DERL3: variants seen among roughly 807,000 people sequenced by gnomAD.
DERL3 encodes derlin 3, also known as derlin-3.
Under a neutral mutation model 23.8 loss-of-function variants are expected in DERL3, and 20 were observed. The observed-to-expected ratio is 0.84, with a 90% CI of 0.59 to 1.22. The LOEUF (loss-of-function observed/expected upper bound fraction) is 1.22, where lower values mean the gene tolerates loss of function less well. Ranked by LOEUF, DERL3 falls within the 50% of genes most tolerant of loss-of-function variation. The pLI is 0.00. For synonymous variants in DERL3, 145 were observed against 132.5 expected (o/e 1.09, Z -0.65); for missense variants, 319 against 304.1 (o/e 1.05, Z -0.36).
In DERL3 at chr22:23,836,722, G is replaced by A. The variant is rs1327370823; in HGVS notation, c.*147C>T. On this transcript the variant is annotated 3_prime_UTR_variant, in exon 7 of 7. Transcript: ENST00000318109. The stretch of plus-strand genomic sequence containing the variant: ...GGTGAGATGGGGAAGCCAGTGCTGT[G>A]GGCCAAGAGACTGCAGCTCATTCTG... The A allele has an allele frequency of 1.5e-5, 20 of 1,350,844 alleles. No individual in the cohort carries two copies. The highest frequency in any genetic ancestry group is 3.7e-5 in the Admixed American group (1 of 27,282). The allele number at this position is 1,350,844 out of a possible 1,614,324, so 83.7% of individuals were successfully genotyped here. A position where few individuals can be genotyped will look rare whatever the true frequency, so the allele number is the denominator to read the frequency against.
Position 23,836,891 on chromosome 22 carries a change from T to TG in DERL3, c.685dup (p.His229ProfsTer16). The TG allele has an allele frequency of 7.4e-6, 11 of 1,481,432 alleles. No homozygotes were observed. The highest frequency in any genetic ancestry group is 9.9e-6 in the Non-Finnish European group (11 of 1,115,038). 91.8% of individuals were successfully genotyped at this position (1,481,432 alleles called of 1,614,324 possible). A position where few individuals can be genotyped will look rare whatever the true frequency, so the allele number is the denominator to read the frequency against. On this transcript the variant is annotated frameshift_variant, in exon 7 of 7. Transcript: ENST00000318109. LOFTEE classifies it high-confidence loss of function. Reference sequence around the variant, plus strand: ...GGGTCACTGCTGCGGGGGTGGCAGATGGGGTCCTGGCTGTTCCTCAGGGAG... The same window carrying TG: ...GGGTCACTGCTGCGGGGGTGGCAGATGGGGGTCCTGGCTGTTCCTCAGGGAG...
rs368887821 is a variant in DERL3, at chr22:23,834,866, G to A, written c.*2003C>T. On this transcript the variant is annotated 3_prime_UTR_variant, in exon 7 of 7. Transcript: ENST00000318109. ...CGAGCTCTCCTGCCGTCCCTGGGCC[G>A]CCCTGGCTCTGCTGTGTCCAGATGG... 90 of 1,612,338 alleles carry A rather than the reference G, an allele frequency of 5.6e-5. No homozygotes were observed. Among genetic ancestry groups the A allele is most frequent in the African/African-American group, 9.3e-5 (7 of 74,956 alleles).
Position 23,834,520 on chromosome 22 carries a change from G to A in DERL3, c.*2349C>T, listed in dbSNP as rs2030881652. Reference sequence around the variant, plus strand: ...AGGTCATGTTCAATTTCTTCAACAGGTCATGTTCAATTTCTTCAAAGTTTT... The same window carrying A: ...AGGTCATGTTCAATTTCTTCAACAGATCATGTTCAATTTCTTCAAAGTTTT... On this transcript the variant is annotated 3_prime_UTR_variant, in exon 7 of 7. Transcript: ENST00000318109. The A allele has an allele frequency of 1.7e-6, 1 of 578,736 alleles. No homozygotes were observed. 35.9% of individuals were successfully genotyped at this position (578,736 alleles called of 1,614,324 possible).
intron 5 of DERL3, 86 bp downstream of exon 5, chr22:23,837,569 CAAGG>C (rs147594874): frequency 0.034 from 46,046 of 1,357,308 alleles, 929 homozygotes; most frequent in Non-Finnish European, 0.041. Context: ...AGAACTCCAG[CAAGG>C]ATGGGAGAGG....
In DERL3 at chr22:23,837,743, GC is replaced by G; in HGVS notation, c.438del (p.Leu147SerfsTer59). 1 of 1,614,064 alleles carries G rather than the reference GC, an allele frequency of 6.2e-7. No individual in the cohort carries two copies. The highest frequency in any genetic ancestry group is 8.5e-7 in the Non-Finnish European group (1 of 1,180,018). ...GGCAGGAACGGTGCCTGGAAAGTGA[GC>G]AGGCCGAAGAAGTTGACCCTCACCC... ...SPRVRVNFFG[L>X]LTFQAPFLPW... On this transcript the variant is annotated frameshift_variant, in exon 5 of 7. Coordinates refer to ENST00000318109, the MANE Select transcript of DERL3 (RefSeq NM_001002862.3). LOFTEE classifies it high-confidence loss of function.
chr22:23,838,070 C>T lies in DERL3; in HGVS notation c.328-216G>A. On this transcript the variant is annotated intron_variant, in intron 4 of 6. Coordinates refer to ENST00000318109, the MANE Select transcript of DERL3 (RefSeq NM_001002862.3). ...GCCTCATCCCAGGGCCCAACCACTG[C>T]CTGTCCCTGCCCCAGTTTCTCCCGG... The T allele has an allele frequency of 3.4e-6, 5 of 1,466,432 alleles. No homozygotes were observed. The Admixed American group carries it at 8.8e-5, about 26-fold the overall frequency. 90.8% of individuals were successfully genotyped at this position (1,466,432 alleles called of 1,614,324 possible).
intron 6 of DERL3, 48 bp from the exon 7 acceptor site, chr22:23,837,010 C>T (rs377205513): frequency 1.5e-4 from 196 of 1,285,338 alleles, no homozygotes; most frequent in Non-Finnish European, 1.9e-4. Flanking sequence ...AGGTCCCCAT[C>T]GGTGGGGATC....
rs1245077882 is a variant in DERL3 at position 23,838,895 on chromosome 22, C to T, written c.93G>A (p.Val31=). Reference sequence around the variant, plus strand: ...ACGTCCGGTCCGCCCGGCCGCTTACCACCGCGGCGGTGGTGAGGACACAGG... The same window carrying T: ...ACGTCCGGTCCGCCCGGCCGCTTACTACCGCGGCGGTGGTGAGGACACAGG... The part of the protein sequence containing the change: ...TAACVLTTAA[V]QLELLSPFQL... Residue 31 remains valine (V), a splice_region_variant and synonymous_variant, in exon 1 of 7, where the codon GTG becomes GTA. Transcript: ENST00000318109. The T allele has an allele frequency of 9.0e-6, 14 of 1,562,604 alleles. No homozygotes were observed. Among genetic ancestry groups the T allele is most frequent in the East Asian group, 2.4e-5 (1 of 42,360 alleles).
At position 23,836,897 on chromosome 22, in the gene DERL3, CCTGG is replaced by C; in HGVS notation, c.676_679del (p.Pro226AspfsTer28). The C allele has an allele frequency of 6.7e-7, 1 of 1,498,276 alleles. No individual in the cohort carries two copies. Among genetic ancestry groups the C allele is most frequent in the Non-Finnish European group, 8.9e-7 (1 of 1,123,284 alleles). The allele number at this position is 1,498,276 out of a possible 1,614,324, so 92.8% of individuals were successfully genotyped here. On this transcript the variant is annotated frameshift_variant, in exon 7 of 7. Coordinates refer to ENST00000318109, the MANE Select transcript of DERL3 (RefSeq NM_001002862.3). LOFTEE classifies it high-confidence loss of function. Reference sequence around the variant, plus strand: ...CTGCTGCGGGGGTGGCAGATGGGGTCCTGGCTGTTCCTCAGGGAGGGGCAGGTAA... The same window carrying C: ...CTGCTGCGGGGGTGGCAGATGGGGTCCTGTTCCTCAGGGAGGGGCAGGTAA...
Position 23,835,649 on chromosome 22 carries a change from G to C in DERL3, c.*1220C>G. On this transcript the variant is annotated 3_prime_UTR_variant, in exon 7 of 7. Transcript: ENST00000318109. ...CAGCTGGGCCTTACTGGAAGGCCTT[G>C]AACAAAGGGGAAGATTCCCAGCCCA... 1.0e-6 allele frequency: 1 copy of C among 985,538 alleles called. No individual in the cohort carries two copies. The highest frequency in any genetic ancestry group is 1.2e-6 in the Non-Finnish European group (1 of 829,972). The allele number at this position is 985,538 out of a possible 1,614,324, so 61.0% of individuals were successfully genotyped here. A position where few individuals can be genotyped will look rare whatever the true frequency, so the allele number is the denominator to read the frequency against.
chr22:23,837,345 G>A, intron 5 of DERL3, 191 bp from the exon 6 acceptor site: 1 of 758,546 alleles, frequency 1.3e-6, no homozygotes, highest in Non-Finnish European at 2.1e-6. Context: ...CCAGAAGCAG[G>A]CAGGACCCAG....
Position 23,834,793 on chromosome 22 carries a change from G to C in DERL3, c.*2076C>G, listed in dbSNP as rs1472190380. ...AGGGCAAGAGGCTCTCTGCCTTTCA[G>C]GAACAGCCCTAACCCTGCTCCCCTT... On this transcript the variant is annotated 3_prime_UTR_variant, in exon 7 of 7. Coordinates refer to ENST00000318109, the MANE Select transcript of DERL3 (RefSeq NM_001002862.3). 1 of 1,587,768 alleles carries C rather than the reference G, an allele frequency of 6.3e-7. No individual in the cohort carries two copies. The highest frequency in any genetic ancestry group is 2.2e-5 in the East Asian group (1 of 44,714).
At position 23,836,085 on chromosome 22, in the gene DERL3, A is replaced by G. The variant is rs1218569314; in HGVS notation, c.*784T>C. On this transcript the variant is annotated 3_prime_UTR_variant, in exon 7 of 7. Transcript: ENST00000318109. ...AGGTCAGAAGAGAAAAATGAGCCAC[A>G]GGGGTCGGATAAGGCTCACACACGT... 2.0e-6 allele frequency: 2 copies of G among 985,304 alleles called. No individual in the cohort carries two copies. The highest frequency in any genetic ancestry group is 2.4e-6 in the Non-Finnish European group (2 of 829,874). 61.0% of individuals were successfully genotyped at this position (985,304 alleles called of 1,614,324 possible).
Position 23,836,058 on chromosome 22 carries a change from C to T in DERL3, c.*811G>A. On this transcript the variant is annotated 3_prime_UTR_variant, in exon 7 of 7. Transcript: ENST00000318109. ...AGGCTTAGAACAACAAGGAAAGCTG[C>T]CAGGTCAGAAGAGAAAAATGAGCCA... 4 of 985,504 alleles carry T rather than the reference C, an allele frequency of 4.1e-6. No individual in the cohort carries two copies. The highest frequency in any genetic ancestry group is 2.4e-6 in the Non-Finnish European group (2 of 829,960). 61.0% of individuals were successfully genotyped at this position (985,504 alleles called of 1,614,324 possible). A position where few individuals can be genotyped will look rare whatever the true frequency, so the allele number is the denominator to read the frequency against.
In DERL3 at chr22:23,834,507, A is replaced by G. The variant is rs1211127569; in HGVS notation, c.*2362T>C. The G allele has an allele frequency of 8.7e-5, 44 of 507,766 alleles. No individual in the cohort carries two copies. Among genetic ancestry groups the G allele is most frequent in the Non-Finnish European group, 1.1e-4 (30 of 270,210 alleles). 31.5% of individuals were successfully genotyped at this position (507,766 alleles called of 1,614,324 possible). A position where few individuals can be genotyped will look rare whatever the true frequency, so the allele number is the denominator to read the frequency against. ...AATAAAAGGCAACAGGTCATGTTCA[A>G]TTTCTTCAACAGGTCATGTTCAATT... On this transcript the variant is annotated 3_prime_UTR_variant, in exon 7 of 7. Coordinates refer to ENST00000318109, the MANE Select transcript of DERL3 (RefSeq NM_001002862.3).
Position 23,836,834 on chromosome 22 carries a change from G to A in DERL3, c.*35C>T. On this transcript the variant is annotated 3_prime_UTR_variant, in exon 7 of 7. Coordinates refer to ENST00000318109, the MANE Select transcript of DERL3 (RefSeq NM_001002862.3). ...AGGGGTCATGGGTAGGATGGAAGCT[G>A]CCAGAAGCCTCTTAGGCCTGGCCCT... 3 of 1,438,442 alleles carry A rather than the reference G, an allele frequency of 2.1e-6. No individual in the cohort carries two copies. The highest frequency in any genetic ancestry group is 1.9e-4 in the Middle Eastern group (1 of 5,230). 89.1% of individuals were successfully genotyped at this position (1,438,442 alleles called of 1,614,324 possible).
At position 23,834,679 on chromosome 22, in the gene DERL3, G is replaced by A; in HGVS notation, c.*2190C>T. 1 of 1,171,674 alleles carries A rather than the reference G, an allele frequency of 8.5e-7. No individual in the cohort carries two copies. Among genetic ancestry groups the A allele is most frequent in the Non-Finnish European group, 1.2e-6 (1 of 844,492 alleles). 72.6% of individuals were successfully genotyped at this position (1,171,674 alleles called of 1,614,324 possible). A position where few individuals can be genotyped will look rare whatever the true frequency, so the allele number is the denominator to read the frequency against. ...AAGTGGGCAGGTGGGGGTGAATGGG[G>A]CTCCGGGTAGCACCTCAGCTCCTCT... On this transcript the variant is annotated 3_prime_UTR_variant, in exon 7 of 7. Coordinates refer to ENST00000318109, the MANE Select transcript of DERL3 (RefSeq NM_001002862.3).
rs2030996169 is a variant in DERL3, at chr22:23,835,761, GC to G, written c.*1107del. 1.0e-6 allele frequency: 1 copy of G among 985,378 alleles called. No homozygotes were observed. Among genetic ancestry groups the G allele is most frequent in the South Asian group, 4.7e-5 (1 of 21,292 alleles). 61.0% of individuals were successfully genotyped at this position (985,378 alleles called of 1,614,324 possible). ...ACCTCGGCAATGAAAGGGTGAGGCA[GC>G]CCTGTGTCTCCACAACTGGGGGGAT... On this transcript the variant is annotated 3_prime_UTR_variant, in exon 7 of 7. Coordinates refer to ENST00000318109, the MANE Select transcript of DERL3 (RefSeq NM_001002862.3).
intron 2 of DERL3, 30 bp from the exon 3 acceptor site, chr22:23,838,667 T>C (rs1309848976): frequency 2.8e-5 from 3 of 106,598 alleles, no homozygotes; most frequent in African/African-American, 4.4e-4. Flanking sequence ...AGGTGCGGGG[T>C]GGGTGGGTCG....
Sources: allele counts gnomAD v4.1 joint callset, GRCh38; gene constraint gnomAD v4.1.1; transcripts MANE v1.5; gene names NCBI Gene and HGNC (gene_info 2026-07-23, HGNC 2026-07-21).